The following APC variants were observed in gnomAD, a reference collection of about 807,000 sequenced individuals.
The protein encoded by APC is APC regulator of Wnt signaling pathway.
A neutral mutation model predicts 247.0 loss-of-function variants in APC; 72 were observed. That is an observed-to-expected ratio of 0.29 (90% confidence interval 0.24 to 0.35). The LOEUF (loss-of-function observed/expected upper bound fraction) is 0.35, where lower values mean the gene tolerates loss of function less well. Ranked by LOEUF, APC falls within the 10% of genes least tolerant of loss-of-function variation. APC has a pLI of 1.00. For synonymous variants in APC, 1,254 were observed against 1,162.5 expected (o/e 1.08, Z -1.60); for missense variants, 3,400 against 3,360.7 (o/e 1.01, Z -0.29).
upstream of APC, among the ~76,000 whole-genome samples, chr5:112,736,397 C>T (rs920853834): frequency 6.6e-6 from 1 of 151,904 alleles, no homozygotes; most frequent in African/African-American, 2.4e-5. Flanking sequence ...AACACAGGGA[C>T]TAATGAAAGA....
chr5:112,750,301 T>G (rs1405715791), intron 1 of APC, among the ~76,000 whole-genome samples: 1 of 152,160 alleles, frequency 6.6e-6, no homozygotes, highest in African/African-American at 2.4e-5. Context: ...GGGTATGTAA[T>G]AAAAAGGAAG....
At chr5:112,711,380 C>T (rs1750835421) in intron 1 of APC, among the ~76,000 whole-genome samples, 1 of 152,188 alleles carries the variant, frequency 6.6e-6, no homozygotes, top group Non-Finnish European at 1.5e-5. Context: ...CAAAACCATT[C>T]CCTGGTGCCA....
At chr5:112,729,789 G>C (rs1752002383) in intron 1 of APC, among the ~76,000 whole-genome samples, 1 of 152,180 alleles carries the variant, frequency 6.6e-6, no homozygotes, top group African/African-American at 2.4e-5. Flanking sequence ...AGTAACACCA[G>C]AGGGCAAGTC....
At chr5:112,757,197 C>T (rs1581129166) in intron 2 of APC, among the ~76,000 whole-genome samples, 1 of 152,210 alleles carries the variant, frequency 6.6e-6, no homozygotes, top group East Asian at 1.9e-4. Flanking sequence ...AATTACAGCC[C>T]TGTAATGAAA....
intron 6 of APC, among the ~76,000 whole-genome samples, chr5:112,789,272 T>C (rs551835741): frequency 3.3e-5 from 5 of 152,306 alleles, no homozygotes; most frequent in South Asian, 2.1e-4. Context: ...AAAATCCAAA[T>C]TGTGAAGTGC....
At position 112,839,402 on chromosome 5, in the gene APC, T is replaced by C. The variant is rs2149899443; in HGVS notation, c.3808T>C (p.Cys1270Arg). The part of the protein sequence containing the change: ...QTYCVEDTPI[C>R]FSRCSSLSSL... ...TTATTGTGTAGAAGATACTCCAATA[T>C]GTTTTTCAAGATGTAGTTCATTATC... The change falls in exon 16 of 16, where the codon TGT becomes CGT. Residue 1270 changes from cysteine (C) to arginine (R), a missense_variant. By Grantham distance (180) the Cys-to-Arg change is radical. Around this residue, in one of 9 missense-constraint regions of APC, gnomAD observed 715 missense variants for 656.6 expected, o/e 1.09. Transcript: ENST00000257430. This position sits in a 1 kb window ranked among gnomAD's most constrained non-coding sequence, Gnocchi z 5.0. The C allele has an allele frequency of 6.2e-7, 1 of 1,614,180 alleles. No individual in the cohort carries two copies. The highest frequency in any genetic ancestry group is 8.5e-7 in the Non-Finnish European group (1 of 1,180,014).
intron 11 of APC, among the ~76,000 whole-genome samples, chr5:112,825,623 A>T (rs778868098): frequency 1.3e-5 from 2 of 152,212 alleles, no homozygotes; most frequent in African/African-American, 2.4e-5. Context: ...AGGCCGAGGC[A>T]GGAGAATCAC....
intron 11 of APC, 133 bp from the exon 12 acceptor site, chr5:112,826,975 A>C (rs1763724769): frequency 2.4e-6 from 2 of 831,054 alleles, no homozygotes; most frequent in South Asian, 3.3e-5. Flanking sequence ...GTAGCTTATA[A>C]TTCTAAAGGC....
chr5:112,753,030 A>T (rs961984574), intron 1 of APC, among the ~76,000 whole-genome samples: 1 of 151,642 alleles, frequency 6.6e-6, no homozygotes, highest in Non-Finnish European at 1.5e-5. Context: ...GTGCATGCCC[A>T]TTTTTTTCTC....
chr5:112,808,329 A>T (rs1194914234), intron 8 of APC, among the ~76,000 whole-genome samples: 1 of 152,224 alleles, frequency 6.6e-6, no homozygotes, highest in Non-Finnish European at 1.5e-5. Flanking sequence ...AAGGTCCATG[A>T]ATAGGAATTA....
chr5:112,780,935 C>G (rs2909961), intron 6 of APC, 32 bp downstream of exon 6: 1 of 1,373,430 alleles, frequency 7.3e-7, no homozygotes, highest in Non-Finnish European at 1.0e-6. Context: ...GATAAAACAG[C>G]GAAGAGCTAT....
intron 1 of APC, among the ~76,000 whole-genome samples, chr5:112,748,041 A>G (rs1186392370): frequency 6.6e-6 from 1 of 152,164 alleles, no homozygotes; most frequent in Non-Finnish European, 1.5e-5. Context: ...TGCAACAGAA[A>G]TCATACGACC....
intron 1 of APC, among the ~76,000 whole-genome samples, chr5:112,748,165 G>C (rs950942670): frequency 3.9e-5 from 6 of 152,158 alleles, no homozygotes; most frequent in African/African-American, 1.4e-4. Flanking sequence ...TATGGGCTTG[G>C]ATAGGTCTAG....
In APC at chr5:112,826,716, A is replaced by G. The variant is rs2546110; in HGVS notation, c.1409-392A>G. On this transcript the variant is annotated intron_variant, in intron 11 of 15. Coordinates refer to ENST00000257430, the MANE Select transcript of APC (RefSeq NM_000038.6). ...AGTAGTTAGGCCACAGTGTATGACA[A>G]TAAAGAGTGTTTATAAAGCCCTAAT... Among the ~76,000 whole-genome samples the G allele has an allele frequency of 0.47, 71,367 of 151,484 alleles. 19,650 individuals are homozygous for G. Among genetic ancestry groups the G allele is most frequent in the East Asian group, 0.67 (3,458 of 5,170 alleles).
At chr5:112,730,444 G>A (rs949562438) in intron 1 of APC, among the ~76,000 whole-genome samples, 1 of 152,116 alleles carries the variant, frequency 6.6e-6, no homozygotes, top group African/African-American at 2.4e-5. Context: ...TTCACTGTTG[G>A]GTGAATTTGG....
chr5:112,716,422 A>G lies in APC; in HGVS notation c.165+8540A>G, dbSNP rs143469195. On this transcript the variant is annotated intron_variant, in intron 1 of 13. Coordinates refer to the APC transcript ENST00000507379. Reference sequence around the variant, plus strand: ...TTTGTTTTTAATTTGTAAAATTACAATGTAATCCAAGAACATACTCTGTTT... The same window carrying G: ...TTTGTTTTTAATTTGTAAAATTACAGTGTAATCCAAGAACATACTCTGTTT... Among the ~76,000 whole-genome samples the G allele has an allele frequency of 3.7e-3, 559 of 152,270 alleles. 2 individuals are homozygous for G. The highest frequency in any genetic ancestry group is 6.2e-3 in the Non-Finnish European group (424 of 68,002).
intron 1 of APC, among the ~76,000 whole-genome samples, chr5:112,719,596 G>C (rs893946067): frequency 2.0e-5 from 3 of 148,180 alleles, no homozygotes; most frequent in Admixed American, 6.7e-5. Context: ...CTGGAGTGGC[G>C]TGATCTCCAC....
chr5:112,776,472 A>G (rs1757662312), intron 5 of APC, among the ~76,000 whole-genome samples: 2 of 152,220 alleles, frequency 1.3e-5, no homozygotes, highest in Admixed American at 1.3e-4. Context: ...TTAGGTTTCC[A>G]TGAGCCAAGT....
In APC at chr5:112,838,971, G is replaced by A. The variant is rs767339739; in HGVS notation, c.3377G>A (p.Ser1126Asn). The A allele has an allele frequency of 1.2e-6, 2 of 1,614,080 alleles. No homozygotes were observed. Among genetic ancestry groups the A allele is most frequent in the Non-Finnish European group, 1.7e-6 (2 of 1,180,016 alleles). Residue 1126 changes from serine to asparagine, a missense_variant, in exon 16 of 16, where the codon AGC (serine) becomes AAC (asparagine). Physicochemically the swap from Ser to Asn is conservative, Grantham distance 46. Transcript: ENST00000257430. ...AATCATGGAATTAATCAAAATGTAA[G>A]CCAGTCTTTGTGTCAAGAAGATGAC... ...GSNHGINQNVSQSLCQEDDYE... is the reference protein window; with the variant it reads ...GSNHGINQNVNQSLCQEDDYE...
Sources: allele counts gnomAD v4.1 joint callset (sites outside exome capture counted in the v4.1 genomes callset), GRCh38; gene constraint gnomAD v4.1.1; regional missense constraint gnomAD v4.1.1; non-coding constraint Gnocchi (gnomAD v3.1); transcripts MANE v1.5; gene names NCBI Gene and HGNC (gene_info 2026-07-23, HGNC 2026-07-21).